Variants in CDC73 observed in about 807,000 individuals in gnomAD.
The protein encoded by CDC73 is parafibromin.
CDC73 carries 21 observed loss-of-function variants against 83.7 expected under a neutral mutation model. That is an observed-to-expected ratio of 0.25 (90% CI 0.18 to 0.36). The LOEUF (loss-of-function observed/expected upper bound fraction) is 0.36, where lower values mean the gene tolerates loss of function less well. CDC73 is among the 10% of genes least tolerant of loss of function. CDC73 has a pLI of 1.00. For synonymous variants in CDC73, 224 were observed against 212.9 expected (o/e 1.05, Z -0.45); for missense variants, 342 against 653.3 (o/e 0.52, Z 5.19).
chr1:193,217,364 G>A (rs925309065), intron 13 of CDC73, among the ~76,000 whole-genome samples: 1 of 152,112 alleles, frequency 6.6e-6, no homozygotes, highest in Non-Finnish European at 1.5e-5. Flanking sequence ...AGAGTTTCTT[G>A]TCTTGGTGTA....
intron 15 of CDC73, among the ~76,000 whole-genome samples, chr1:193,248,110 C>A (rs1677983526): frequency 6.6e-6 from 1 of 152,076 alleles, no homozygotes; most frequent in Non-Finnish European, 1.5e-5. Flanking sequence ...AGAGGACAGA[C>A]TGACTCTTTT....
intron 8 of CDC73, among the ~76,000 whole-genome samples, chr1:193,148,599 G>A (rs1229867984): frequency 6.9e-6 from 1 of 145,692 alleles, no homozygotes; most frequent in Non-Finnish European, 1.5e-5. Context: ...TCTATTTTCT[G>A]CAATAGAAAA....
chr1:193,223,072 G>T (rs191999040), intron 13 of CDC73, among the ~76,000 whole-genome samples: 1 of 151,940 alleles, frequency 6.6e-6, no homozygotes, highest in East Asian at 1.9e-4. Flanking sequence ...ATCTGTCTTT[G>T]TAATTCTTTT....
intron 14 of CDC73, among the ~76,000 whole-genome samples, chr1:193,234,175 TCACACACACACACACACACACACACACA>T (rs71111461): frequency 6.9e-5 from 7 of 101,408 alleles, no homozygotes; most frequent in South Asian, 3.2e-4. Flanking sequence ...TCTCTCTCTC[TCACACACACACACACACACACACACACA>T]CACACACACA....
chr1:193,143,726 A>C (rs1675945908), intron 7 of CDC73, among the ~76,000 whole-genome samples: 1 of 152,198 alleles, frequency 6.6e-6, no homozygotes, highest in Non-Finnish European at 1.5e-5. Context: ...TTAGGTACTT[A>C]AAGCCCTGTG....
intron 2 of CDC73, among the ~76,000 whole-genome samples, chr1:193,125,671 G>A (rs1675556267): frequency 1.3e-5 from 2 of 151,808 alleles, no homozygotes; most frequent in African/African-American, 4.8e-5. Flanking sequence ...CTACTTCTCG[G>A]GCTCAAGCCA....
At chr1:193,218,725 G>T (rs943741841) in intron 13 of CDC73, among the ~76,000 whole-genome samples, 1 of 152,092 alleles carries the variant, frequency 6.6e-6, no homozygotes, top group South Asian at 2.1e-4. Flanking sequence ...GATTGAAACC[G>T]AACCCCTTCC....
chr1:193,238,139 AT>A (rs1677794583), intron 15 of CDC73, among the ~76,000 whole-genome samples: 1 of 152,220 alleles, frequency 6.6e-6, no homozygotes, highest in Non-Finnish European at 1.5e-5. Flanking sequence ...TTAGATAAGA[AT>A]TTAGAGAATT....
intron 10 of CDC73, among the ~76,000 whole-genome samples, chr1:193,173,243 A>G (rs574103606): frequency 2.0e-4 from 31 of 152,230 alleles, no homozygotes; most frequent in African/African-American, 6.3e-4. Context: ...TGGTTTTCTT[A>G]ATTACTTAAT....
rs2102038062 is a variant in CDC73, at chr1:193,212,072, A to T, written c.1038A>T (p.Gln346His). 6.3e-7 allele frequency: 1 copy of T among 1,585,206 alleles called. No individual in the cohort carries two copies. The highest frequency in any genetic ancestry group is 8.6e-7 in the Non-Finnish European group (1 of 1,161,030). ...TTTTTTTCTTTTTCACAGTTTCTCA[A>T]GCAAGACCTCCCCCAAATCAGAAGA... ...AAQPVPRPVSQARPPPNQKKG... is the reference protein window; with the variant it reads ...AAQPVPRPVSHARPPPNQKKG... The change falls in exon 12 of 17, where the codon CAA becomes CAT. Residue 346 changes from glutamine (Q) to histidine (H), a missense_variant. Gln to His is a conservative substitution (Grantham distance 24). Around this residue, in one of 3 missense-constraint regions of CDC73, gnomAD observed 239 missense variants for 420.6 expected, o/e 0.57. Transcript: ENST00000367435.
intron 16 of CDC73, 24 bp from the exon 17 acceptor site, chr1:193,250,652 A>T (rs1336933955): frequency 6.4e-7 from 1 of 1,563,936 alleles, no homozygotes; most frequent in Admixed American, 1.7e-5. Context: ...TAGTCATTAT[A>T]ACCTACCATA....
intron 2 of CDC73, among the ~76,000 whole-genome samples, chr1:193,127,311 G>GTC (rs1675596598): frequency 6.7e-6 from 1 of 149,406 alleles, no homozygotes. Flanking sequence ...GTGTGTGTGT[G>GTC]TGTGTGATTA....
At chr1:193,223,804 T>C (rs1239631896) in intron 13 of CDC73, among the ~76,000 whole-genome samples, 2 of 152,116 alleles carry the variant, frequency 1.3e-5, no homozygotes, top group African/African-American at 4.8e-5. Flanking sequence ...GTCTTTGGTC[T>C]AAGTATTTTT....
intron 10 of CDC73, among the ~76,000 whole-genome samples, chr1:193,187,042 T>A (rs1179056231): frequency 6.7e-6 from 1 of 148,992 alleles, no homozygotes; most frequent in Non-Finnish European, 1.5e-5. Context: ...CTTGATTTTT[T>A]ACTAATATGT....
At chr1:193,188,273 C>A (rs748486778) in intron 10 of CDC73, among the ~76,000 whole-genome samples, 5 of 152,036 alleles carry the variant, frequency 3.3e-5, no homozygotes, top group Non-Finnish European at 7.4e-5. Flanking sequence ...GTAAAATAGT[C>A]CAAATGTCAG....
intron 10 of CDC73, among the ~76,000 whole-genome samples, chr1:193,162,310 TTATA>T (rs1491262475): frequency 1.6e-5 from 2 of 121,532 alleles, no homozygotes; most frequent in African/African-American, 3.9e-5. Flanking sequence ...ATACTATATA[TTATA>T]TATCATATAT....
Position 193,249,766 on chromosome 1 carries a change from T to G in CDC73, c.1454T>G (p.Leu485Arg). 1 of 1,610,466 alleles carries G rather than the reference T, an allele frequency of 6.2e-7. No homozygotes were observed. The highest frequency in any genetic ancestry group is 1.7e-4 in the Middle Eastern group (1 of 6,052). ...CATCTGAAGTATGATGAAGTTCGTC[T>G]GGATCCAAATGTTCAGAAATGGGAT... is the stretch of plus-strand genomic sequence containing the variant. ...AFHLKYDEVR[L>R]DPNVQKWDVT... Residue 485 changes from leucine to arginine, a missense_variant, in exon 16 of 17, where the codon CTG (leucine) becomes CGG (arginine). By Grantham distance (102) the Leu-to-Arg change is moderately radical. This residue lies in a region of CDC73 where 239 missense variants were observed against 420.6 expected (regional missense o/e 0.57). Transcript: ENST00000367435.
intron 10 of CDC73, among the ~76,000 whole-genome samples, chr1:193,157,980 T>C (rs1676236483): frequency 1.3e-5 from 2 of 151,922 alleles, no homozygotes; most frequent in Middle Eastern, 3.4e-3. Context: ...ACAAAGAGGC[T>C]TAACAAATGG....
chr1:193,129,487 AATTTATTTATTT>A (rs67384798), intron 2 of CDC73, among the ~76,000 whole-genome samples: 3 of 142,790 alleles, frequency 2.1e-5, no homozygotes, highest in African/African-American at 5.2e-5. Flanking sequence ...TTCAAAAAGA[AATTTATTTATTT>A]ATTTATTTAT....
Sources: gnomAD v4.1 joint callset for allele counts (sites outside exome capture counted in the v4.1 genomes callset) on GRCh38, gnomAD v4.1.1 for gene constraint, gnomAD v4.1.1 regional missense constraint, MANE v1.5 for transcripts, NCBI Gene and HGNC (gene_info 2026-07-23, HGNC 2026-07-21) for gene names.